SHROOM3: variants seen among roughly 807,000 people sequenced by gnomAD.
The protein encoded by SHROOM3 is protein Shroom3.
SHROOM3 carries 47 observed loss-of-function variants against 138.6 expected under a neutral mutation model. The observed-to-expected ratio is 0.34, with a 90% CI of 0.27 to 0.43. The LOEUF is 0.43. Ranked by LOEUF, SHROOM3 falls within the 20% of genes least tolerant of loss-of-function variation. The probability of loss-of-function intolerance (pLI) is 1.00; values close to 1 mark genes in which losing one functional copy is unlikely to be tolerated. For synonymous variants in SHROOM3, 1,062 were observed against 1,063.3 expected, an observed-to-expected ratio of 1.00 and a Z score of 0.02; for missense variants, 2,491 against 2,596.5, an observed-to-expected ratio of 0.96 and a Z score of 0.88.
chr4:76,675,654 TCAAGACCA>T lies in SHROOM3; in HGVS notation c.324-34501_324-34494del, dbSNP rs1719008475. 2.6e-5 allele frequency among the ~76,000 whole-genome samples: 4 copies of T among 152,280 alleles called. No individual in the cohort carries two copies. The South Asian group carries it at 6.2e-4, about 24-fold the overall frequency. On this transcript the variant is annotated intron_variant, in intron 2 of 10. Coordinates refer to ENST00000296043, the MANE Select transcript of SHROOM3 (RefSeq NM_020859.4). ...GGGAGGATCACTTGAGGCCAGGAATTCAAGACCAGCCTAGGCAACATAGAGGCCCCATT... is the reference window on the plus strand; with the variant it reads ...GGGAGGATCACTTGAGGCCAGGAATTGCCTAGGCAACATAGAGGCCCCATT...
chr4:76,439,341 G>A (rs1157356145), intron 1 of SHROOM3, among the ~76,000 whole-genome samples: 1 of 152,118 alleles, frequency 6.6e-6, no homozygotes, highest in East Asian at 1.9e-4. Context: ...TTTAAAATCA[G>A]CTGGTTAATA....
chr4:76,629,982 A>C (rs930930038), intron 2 of SHROOM3, among the ~76,000 whole-genome samples: 2 of 152,174 alleles, frequency 1.3e-5, no homozygotes, highest in Admixed American at 1.3e-4. Context: ...CTAATTCCTG[A>C]AAGTCCCGTC....
chr4:76,450,609 C>T (rs906926844), intron 1 of SHROOM3, among the ~76,000 whole-genome samples: 1 of 152,150 alleles, frequency 6.6e-6, no homozygotes, highest in Non-Finnish European at 1.5e-5. Context: ...CAGTGAAAGA[C>T]ACCAGACACA....
intron 2 of SHROOM3, among the ~76,000 whole-genome samples, chr4:76,633,842 G>A (rs1735414189): frequency 6.6e-6 from 1 of 152,114 alleles, no homozygotes; most frequent in Non-Finnish European, 1.5e-5. Flanking sequence ...CAGGCCCCTA[G>A]TCTCAACCAA....
intron 1 of SHROOM3, among the ~76,000 whole-genome samples, chr4:76,475,151 A>G (rs1731460193): frequency 6.6e-6 from 1 of 152,144 alleles, no homozygotes; most frequent in Admixed American, 6.5e-5. Flanking sequence ...AAATTGAATT[A>G]TATGTCGTTT....
chr4:76,465,185 T>C (rs946692770), intron 1 of SHROOM3, among the ~76,000 whole-genome samples: 6 of 152,256 alleles, frequency 3.9e-5, no homozygotes, highest in African/African-American at 1.4e-4. Flanking sequence ...TATGTCTACA[T>C]ATGTATGTAT....
In SHROOM3 at chr4:76,759,540, C is replaced by T; in HGVS notation, c.5199-5C>T. On this transcript the variant is annotated splice_polypyrimidine_tract_variant and splice_region_variant and intron_variant, in intron 8 of 10. Transcript: ENST00000296043. ...TGGCTATACTTTGTGCTCTTTTTGG[C>T]CCAGGAATGAAGACAAGGAAGCAGT... is the stretch of plus-strand genomic sequence containing the variant. 1.2e-6 allele frequency: 2 copies of T among 1,613,920 alleles called. No homozygotes were observed. The highest frequency in any genetic ancestry group is 1.7e-6 in the Non-Finnish European group (2 of 1,179,922).
At chr4:76,465,575 C>G (rs554540302) in intron 1 of SHROOM3, among the ~76,000 whole-genome samples, 232 of 152,310 alleles carry the variant, frequency 1.5e-3, no homozygotes, top group African/African-American at 5.4e-3. Context: ...TTTCTCTCTC[C>G]CCTTTCACAG....
chr4:76,676,751 G>T (rs971427137), intron 2 of SHROOM3, among the ~76,000 whole-genome samples: 1 of 151,954 alleles, frequency 6.6e-6, no homozygotes, highest in African/African-American at 2.4e-5. Flanking sequence ...AGACCATCCT[G>T]GCTAACACAG....
At chr4:76,607,119 C>T (rs1734639007) in intron 2 of SHROOM3, among the ~76,000 whole-genome samples, 1 of 152,114 alleles carries the variant, frequency 6.6e-6, no homozygotes, top group Admixed American at 6.5e-5. Flanking sequence ...CAAACAAATA[C>T]TCATCATTTC....
At chr4:76,644,866 G>A (rs1478317075) in intron 2 of SHROOM3, among the ~76,000 whole-genome samples, 2 of 152,104 alleles carry the variant, frequency 1.3e-5, no homozygotes, top group African/African-American at 4.8e-5. Flanking sequence ...AGGACTTAAG[G>A]AGAAGCAAGT....
intron 2 of SHROOM3, among the ~76,000 whole-genome samples, chr4:76,579,177 T>C (rs1202080984): frequency 6.6e-6 from 1 of 151,326 alleles, no homozygotes; most frequent in Non-Finnish European, 1.5e-5. Flanking sequence ...TCTCAAAAAA[T>C]AAATAAACAG....
chr4:76,738,074 C>G (rs1310135195), intron 4 of SHROOM3, among the ~76,000 whole-genome samples: 1 of 152,126 alleles, frequency 6.6e-6, no homozygotes, highest in Non-Finnish European at 1.5e-5. Flanking sequence ...AATCCCAGCA[C>G]CGAAGAGCCC....
At chr4:76,729,518 GTTTTGT>G (rs1720812674) in intron 3 of SHROOM3, among the ~76,000 whole-genome samples, 1 of 152,094 alleles carries the variant, frequency 6.6e-6, no homozygotes, top group Non-Finnish European at 1.5e-5. Flanking sequence ...TTTGTGTTTT[GTTTTGT>G]TTTTAAGTCA....
intron 1 of SHROOM3, among the ~76,000 whole-genome samples, chr4:76,474,115 G>A (rs1579178733): frequency 6.6e-6 from 1 of 152,148 alleles, no homozygotes. Flanking sequence ...TCATATAAAA[G>A]AATGAAGTAC....
chr4:76,741,094 C>T lies in SHROOM3; in HGVS notation c.2921C>T (p.Ser974Leu), dbSNP rs1419133091. Residue 974 changes from serine to leucine, a missense_variant, in exon 5 of 11, where the codon TCG becomes TTG. Ser to Leu is a moderately radical substitution (Grantham distance 145, BLOSUM62 -2). This residue lies in a region of SHROOM3 where 1,733 missense variants were observed against 1,661.6 expected (regional missense o/e 1.04). Coordinates refer to ENST00000296043, the MANE Select transcript of SHROOM3 (RefSeq NM_020859.4). This position sits in a 1 kb window ranked among gnomAD's most constrained non-coding sequence, Gnocchi z 6.2. The part of the protein sequence containing the change: ...AHVGLRSPEA[S>L]ASASPHTPRE... Reference sequence around the variant, plus strand: ...GTGGGGCTGCGGAGCCCCGAGGCGTCGGCCTCCGCCTCCCCGCACACGCCC... The same window carrying T: ...GTGGGGCTGCGGAGCCCCGAGGCGTTGGCCTCCGCCTCCCCGCACACGCCC... The T allele has an allele frequency of 6.5e-7, 1 of 1,544,944 alleles. No individual in the cohort carries two copies. Among genetic ancestry groups the T allele is most frequent in the Non-Finnish European group, 8.7e-7 (1 of 1,145,042 alleles).
intron 9 of SHROOM3, among the ~76,000 whole-genome samples, chr4:76,762,485 C>G (rs1384378333): frequency 1.7e-4 from 26 of 152,180 alleles, no homozygotes; most frequent in Non-Finnish European, 2.9e-5. Context: ...GGGGATGATA[C>G]CCACTTGCCC....
At chr4:76,564,111 C>T (rs1733651459) in intron 2 of SHROOM3, among the ~76,000 whole-genome samples, 1 of 152,216 alleles carries the variant, frequency 6.6e-6, no homozygotes. Context: ...CCCCGCTCTG[C>T]TCTCCCTTCA....
At chr4:76,465,454 C>G (rs565857270) in intron 1 of SHROOM3, among the ~76,000 whole-genome samples, 1 of 152,174 alleles carries the variant, frequency 6.6e-6, no homozygotes, top group Non-Finnish European at 1.5e-5. Flanking sequence ...ATGCCTCTTA[C>G]AGTAGGCAAT....
Sources: allele counts gnomAD v4.1 joint callset (sites outside exome capture counted in the v4.1 genomes callset), GRCh38; gene constraint gnomAD v4.1.1; regional missense constraint gnomAD v4.1.1; non-coding constraint Gnocchi (gnomAD v3.1); transcripts MANE v1.5; gene names NCBI Gene and HGNC (gene_info 2026-07-23, HGNC 2026-07-21).